The following CCBE1 variants were observed in gnomAD, a reference collection of about 807,000 sequenced individuals.
CCBE1 encodes collagen and calcium binding EGF domains 1, also known as collagen and calcium-binding EGF domain-containing protein 1.
In CCBE1, 37 loss-of-function variants were observed where a neutral mutation model predicts 50.0. The ratio of observed to expected loss-of-function variants is 0.74; its 90% CI spans 0.57 to 0.97. The LOEUF is 0.97. CCBE1 is among the 50% of genes least tolerant of loss of function. The pLI, the probability that CCBE1 is intolerant of heterozygous loss-of-function variation, is 0.00. For synonymous variants in CCBE1, 234 were observed against 203.7 expected, an observed-to-expected ratio of 1.15 and a Z score of -1.27; for missense variants, 538 against 523.8, an observed-to-expected ratio of 1.03 and a Z score of -0.26.
chr18:59,660,278 T>C (rs1488744422), intron 2 of CCBE1, among the ~76,000 whole-genome samples: 1 of 152,142 alleles, frequency 6.6e-6, no homozygotes, highest in Admixed American at 6.6e-5. Flanking sequence ...AATATAAAAA[T>C]AAGTAAGCAA....
chr18:59,571,326 AG>A (rs2052910910), intron 2 of CCBE1, among the ~76,000 whole-genome samples: 1 of 152,144 alleles, frequency 6.6e-6, no homozygotes, highest in Non-Finnish European at 1.5e-5. Context: ...TGTCCTTTGT[AG>A]GGACATGGAT....
intron 2 of CCBE1, among the ~76,000 whole-genome samples, chr18:59,484,316 GTTT>G (rs1212802694): frequency 6.6e-6 from 1 of 152,174 alleles, no homozygotes; most frequent in Non-Finnish European, 1.5e-5. Context: ...AAACCCACGT[GTTT>G]TTGATACTCA....
chr18:59,485,996 C>A, intron 2 of CCBE1, among the ~76,000 whole-genome samples: 1 of 151,772 alleles, frequency 6.6e-6, no homozygotes, highest in East Asian at 1.9e-4. Context: ...GGAGCATTGG[C>A]TTTGGGGTCA....
chr18:59,495,346 G>A (rs934847362), intron 2 of CCBE1, among the ~76,000 whole-genome samples: 1 of 151,348 alleles, frequency 6.6e-6, no homozygotes, highest in South Asian at 2.1e-4. Flanking sequence ...TTCAGACCCA[G>A]AGAATTCTTG....
chr18:59,617,303 A>G (rs2053649767), intron 2 of CCBE1, among the ~76,000 whole-genome samples: 1 of 152,226 alleles, frequency 6.6e-6, no homozygotes, highest in Non-Finnish European at 1.5e-5. Flanking sequence ...AACATTTTTG[A>G]TAACAAATGC....
intron 2 of CCBE1, among the ~76,000 whole-genome samples, chr18:59,565,244 C>A (rs1248144430): frequency 9.6e-6 from 1 of 104,286 alleles, no homozygotes; most frequent in Non-Finnish European, 1.8e-5. Flanking sequence ...AGAGAATGAC[C>A]AGGGCTGGGG....
At chr18:59,572,126 A>G (rs2052923864) in intron 2 of CCBE1, among the ~76,000 whole-genome samples, 1 of 152,226 alleles carries the variant, frequency 6.6e-6, no homozygotes, top group Non-Finnish European at 1.5e-5. Flanking sequence ...ATTTGCTGGC[A>G]TTTTCATAGT....
chr18:59,495,164 T>C (rs373539385), intron 2 of CCBE1, among the ~76,000 whole-genome samples: 153 of 152,248 alleles, frequency 1.0e-3, no homozygotes, highest in African/African-American at 3.5e-3. Context: ...CTAGCTCATG[T>C]TTCTTTTTTT....
chr18:59,487,081 A>C (rs1912858193), intron 2 of CCBE1, among the ~76,000 whole-genome samples: 1 of 149,898 alleles, frequency 6.7e-6, no homozygotes, highest in Admixed American at 6.7e-5. Context: ...TTAATATTTC[A>C]TTCCAAAGCA....
Position 59,487,030 on chromosome 18 carries a change from G to A in CCBE1, c.213-6792C>T, listed in dbSNP as rs560945751. 2.6e-5 allele frequency among the ~76,000 whole-genome samples: 4 copies of A among 151,056 alleles called. No homozygotes were observed. The East Asian group carries it at 7.7e-4, about 29-fold the overall frequency. On this transcript the variant is annotated intron_variant, in intron 2 of 10. Coordinates refer to ENST00000439986, the MANE Select transcript of CCBE1 (RefSeq NM_133459.4). ...GCCTCTAGTAGATAATCCTGGTCAG[G>A]CACACAGAAGTCCCAAATGTTTTTA...
chr18:59,616,310 C>T (rs762412624), intron 2 of CCBE1, among the ~76,000 whole-genome samples: 2 of 152,086 alleles, frequency 1.3e-5, no homozygotes, highest in African/African-American at 2.4e-5. Context: ...GAGCCAGAGG[C>T]GGCCCTGAAA....
rs1310359829 is a variant in CCBE1 at position 59,648,829 on chromosome 18, A to G, written c.212+47800T>C. ...AGACCTTGGCTTTGAACAGGGCCCAACTGGCCAGGCTTTGTCCAGCGTCCC... is the reference window on the plus strand; with the variant it reads ...AGACCTTGGCTTTGAACAGGGCCCAGCTGGCCAGGCTTTGTCCAGCGTCCC... On this transcript the variant is annotated intron_variant, in intron 2 of 10. Coordinates refer to ENST00000439986, the MANE Select transcript of CCBE1 (RefSeq NM_133459.4). Among the ~76,000 whole-genome samples the G allele has an allele frequency of 2.0e-5, 3 of 152,346 alleles. No homozygotes were observed. The East Asian group carries it at 5.8e-4, about 29-fold the overall frequency.
At chr18:59,605,842 T>G (rs572872291) in intron 2 of CCBE1, among the ~76,000 whole-genome samples, 11 of 152,258 alleles carry the variant, frequency 7.2e-5, no homozygotes, top group South Asian at 4.2e-4. Flanking sequence ...GGGGTGGCCT[T>G]GGGATAAGCT....
rs775777337 is a variant in CCBE1 at position 59,439,640 on chromosome 18, C to T, written c.915+37G>A. 2.1e-5 allele frequency: 34 copies of T among 1,614,202 alleles called. No individual in the cohort carries two copies. In the East Asian group the frequency reaches 6.9e-4, roughly 33 times the overall value. ...AAGCATGGGACAAAAACACATTTTC[C>T]CCCAAAAAGGAAGTGGATCTCTGAT... On this transcript the variant is annotated intron_variant, in intron 8 of 10. Transcript: ENST00000439986.
In CCBE1 at chr18:59,463,659, GA is replaced by G. The variant is rs1598921758; in HGVS notation, c.553+3079del. 2.0e-5 allele frequency among the ~76,000 whole-genome samples: 3 copies of G among 152,320 alleles called. No homozygotes were observed. In the East Asian group the frequency reaches 5.8e-4, roughly 29 times the overall value. On this transcript the variant is annotated intron_variant, in intron 5 of 10. Transcript: ENST00000439986. ...GCAGGCCACTCTCCCTCACAGGCAG[GA>G]ACTCCTTGTGGGCGGGGCCAGGTCC...
intron 1 of CCBE1, 31 bp downstream of exon 1, chr18:59,697,180 GC>G: frequency 1.3e-6 from 2 of 1,547,606 alleles, no homozygotes; most frequent in South Asian, 1.2e-5. Context: ...TCAAGCAGGA[GC>G]TCGCCCTCCG....
chr18:59,485,536 T>G (rs377468366), intron 2 of CCBE1, among the ~76,000 whole-genome samples: 1 of 151,940 alleles, frequency 6.6e-6, no homozygotes, highest in Non-Finnish European at 1.5e-5. Context: ...TATTATTTAT[T>G]TGGGGTTTTC....
At chr18:59,691,431 A>G (rs974033487) in intron 2 of CCBE1, among the ~76,000 whole-genome samples, 9 of 152,072 alleles carry the variant, frequency 5.9e-5, no homozygotes, top group African/African-American at 1.9e-4. Context: ...TGTTAGATGG[A>G]GTCTCGCTCT....
intron 5 of CCBE1, chr18:59,465,430 G>A (rs1183332482): frequency 6.6e-6 from 1 of 151,674 alleles, no homozygotes; most frequent in African/African-American, 2.4e-5. Context: ...GAAATAACCC[G>A]AACTTCAGCT....
Sources: gnomAD v4.1 joint callset for allele counts (sites outside exome capture counted in the v4.1 genomes callset) on GRCh38, gnomAD v4.1.1 for gene constraint, MANE v1.5 for transcripts, NCBI Gene and HGNC (gene_info 2026-07-23, HGNC 2026-07-21) for gene names.